Variants in PDE8B observed in about 807,000 individuals in gnomAD.
PDE8B encodes the protein phosphodiesterase 8B.
PDE8B carries 26 observed loss-of-function variants against 101.3 expected under a neutral mutation model. That is an observed-to-expected ratio of 0.26 (90% CI 0.19 to 0.36). The LOEUF (loss-of-function observed/expected upper bound fraction) is 0.36, where lower values mean the gene tolerates loss of function less well. Ranked by LOEUF, PDE8B falls within the 10% of genes least tolerant of loss-of-function variation. The probability of loss-of-function intolerance (pLI) is 1.00; values close to 1 mark genes in which losing one functional copy is unlikely to be tolerated. For missense variants in PDE8B, 810 were observed against 1,163.1 expected, an observed-to-expected ratio of 0.70 and a Z score of 4.42; for synonymous variants, 424 against 429.3, an observed-to-expected ratio of 0.99 and a Z score of 0.15.
intron 1 of PDE8B, among the ~76,000 whole-genome samples, chr5:77,259,948 G>A (rs181852): frequency 0.13 from 19,376 of 152,120 alleles, 1,601 homozygotes; most frequent in East Asian, 0.46. Flanking sequence ...GATCATCTGA[G>A]GTCAGGAGAT....
chr5:77,423,632 G>GTTTTGTTTTTTTTTTTTTTTTTTTTTTT (rs1797209696), intron 20 of PDE8B, among the ~76,000 whole-genome samples: 1 of 74,042 alleles, frequency 1.4e-5, no homozygotes, highest in African/African-American at 5.2e-5. Flanking sequence ...GTTTTGTTTA[G>GTTTTGTTTTTTTTTTTTTTTTTTTTTTT]TTTTTTTTTT....
At chr5:77,396,629 C>A (rs1435105883) in intron 10 of PDE8B, among the ~76,000 whole-genome samples, 1 of 152,132 alleles carries the variant, frequency 6.6e-6, no homozygotes, top group Admixed American at 6.5e-5. Flanking sequence ...TTTATCCTTT[C>A]CCTTTCTATC....
At chr5:77,317,588 T>A (rs1460300212) in intron 2 of PDE8B, among the ~76,000 whole-genome samples, 1 of 152,244 alleles carries the variant, frequency 6.6e-6, no homozygotes, top group East Asian at 1.9e-4. Context: ...GGGAAAGTCA[T>A]ATTTTCCAAT....
chr5:77,241,255 G>A (rs1451307296), intron 1 of PDE8B, among the ~76,000 whole-genome samples: 1 of 152,154 alleles, frequency 6.6e-6, no homozygotes, highest in Admixed American at 6.5e-5. Context: ...AGTCAAATAT[G>A]TATTCAAATG....
chr5:77,271,784 C>T (rs76296553), intron 1 of PDE8B, among the ~76,000 whole-genome samples: 2,837 of 152,248 alleles, frequency 0.019, 40 homozygotes, highest in Admixed American at 0.028. Context: ...GCTGGATAGT[C>T]CTTATACATT....
At chr5:77,124,237 T>G in the PDE8B span, among the ~76,000 whole-genome samples, 1 of 152,242 alleles carries the variant, frequency 6.6e-6, no homozygotes, top group African/African-American at 2.4e-5. Flanking sequence ...GTCACAAGAC[T>G]CAGACCCAGA....
At chr5:77,359,475 G>A (rs1357350088) in intron 10 of PDE8B, among the ~76,000 whole-genome samples, 1 of 152,206 alleles carries the variant, frequency 6.6e-6, no homozygotes, top group Admixed American at 6.5e-5. Flanking sequence ...GCTGGGGGGT[G>A]TCTGCCCTGC....
chr5:77,328,882 GT>G (rs1228758946), intron 3 of PDE8B, 115 bp from the exon 4 acceptor site: 11 of 807,294 alleles, frequency 1.4e-5, no homozygotes, highest in Non-Finnish European at 1.9e-5. Context: ...GTTTTGAGAC[GT>G]TTTCTTTAGA....
intron 10 of PDE8B, among the ~76,000 whole-genome samples, chr5:77,360,169 A>G (rs1204980849): frequency 1.3e-5 from 2 of 152,246 alleles, no homozygotes; most frequent in Non-Finnish European, 2.9e-5. Context: ...ATTTCTTAAA[A>G]ATTAATGTTA....
chr5:77,206,567 G>A (rs1747517168), upstream of PDE8B, among the ~76,000 whole-genome samples: 1 of 152,216 alleles, frequency 6.6e-6, no homozygotes, highest in African/African-American at 2.4e-5. Flanking sequence ...GGCTAACAAT[G>A]TTGGATATCC....
At chr5:77,121,851 T>C in the PDE8B span, among the ~76,000 whole-genome samples, 22 of 152,196 alleles carry the variant, frequency 1.4e-4, no homozygotes, top group Non-Finnish European at 2.6e-4. Flanking sequence ...GTTGAGAACA[T>C]GTTTGGAAAC....
At chr5:77,358,789 C>T (rs1352841817) in intron 10 of PDE8B, among the ~76,000 whole-genome samples, 2 of 152,158 alleles carry the variant, frequency 1.3e-5, no homozygotes, top group African/African-American at 4.8e-5. Context: ...CTGCAGTTAT[C>T]TCTAAAAGCA....
At chr5:77,244,416 G>C (rs1177002357) in intron 1 of PDE8B, among the ~76,000 whole-genome samples, 7 of 152,152 alleles carry the variant, frequency 4.6e-5, no homozygotes, top group Admixed American at 4.6e-4. Context: ...GGTCAGGAAG[G>C]AAAGAGAAAT....
intron 1 of PDE8B, among the ~76,000 whole-genome samples, chr5:77,294,859 T>C (rs1768167404): frequency 6.7e-6 from 1 of 148,152 alleles, no homozygotes; most frequent in Non-Finnish European, 1.5e-5. Flanking sequence ...ATATAATATA[T>C]ATATGATATA....
chr5:77,285,842 T>A (rs1765904988), intron 1 of PDE8B, among the ~76,000 whole-genome samples: 1 of 152,176 alleles, frequency 6.6e-6, no homozygotes, highest in South Asian at 2.1e-4. Flanking sequence ...GTTCAGAGAC[T>A]TTTTCCTCCC....
At chr5:77,255,177 C>T (rs935098918) in intron 1 of PDE8B, among the ~76,000 whole-genome samples, 9 of 152,286 alleles carry the variant, frequency 5.9e-5, no homozygotes, top group African/African-American at 2.2e-4. Flanking sequence ...TAGGGTGGTA[C>T]ACTCTTTTTG....
At chr5:77,097,732 T>TAC in the PDE8B span, among the ~76,000 whole-genome samples, 100 of 65,044 alleles carry the variant, frequency 1.5e-3, 1 homozygote, top group South Asian at 3.9e-3. Context: ...TATATATATA[T>TAC]ACATACATAT....
At chr5:77,150,017 T>C in the PDE8B span, among the ~76,000 whole-genome samples, 1 of 152,206 alleles carries the variant, frequency 6.6e-6, no homozygotes, top group Non-Finnish European at 1.5e-5. Context: ...GGTAAATTCT[T>C]CCAGACACTC....
chr5:77,400,640 A>G (rs116738436), intron 11 of PDE8B, among the ~76,000 whole-genome samples: 2,116 of 152,262 alleles, frequency 0.014, 23 homozygotes, highest in Middle Eastern at 0.044. Context: ...TAGTTGCTCA[A>G]CCGTGTCCAG....
Sources: gnomAD v4.1 joint callset for allele counts (sites outside exome capture counted in the v4.1 genomes callset) on GRCh38, gnomAD v4.1.1 for gene constraint, MANE v1.5 for transcripts, NCBI Gene and HGNC (gene_info 2026-07-23, HGNC 2026-07-21) for gene names.